FAM114A2: variants seen among roughly 807,000 people sequenced by gnomAD.
FAM114A2 encodes the protein protein FAM114A2.
FAM114A2 carries 53 observed loss-of-function variants against 58.4 expected under a neutral mutation model. That is an observed-to-expected ratio of 0.91 (90% CI 0.73 to 1.14). FAM114A2 has a LOEUF of 1.14. Ranked by LOEUF, FAM114A2 falls within the 50% of genes most tolerant of loss-of-function variation. The pLI is 0.00. For missense variants in FAM114A2, 601 were observed against 581.1 expected, an observed-to-expected ratio of 1.03 and a Z score of -0.35; for synonymous variants, 228 against 211.4, an observed-to-expected ratio of 1.08 and a Z score of -0.68.
At chr5:154,003,703 A>G (rs1471248228) in intron 9 of FAM114A2, among the ~76,000 whole-genome samples, 1 of 152,134 alleles carries the variant, frequency 6.6e-6, no homozygotes, top group Non-Finnish European at 1.5e-5. Context: ...TCTGCTCACT[A>G]TAAATAATTT....
Position 154,034,662 on chromosome 5 carries a change from T to A in FAM114A2, c.210+82A>T, listed in dbSNP as rs1014995300. 15 of 1,002,048 alleles carry A rather than the reference T, an allele frequency of 1.5e-5. No individual in the cohort carries two copies. In the African/African-American group the frequency reaches 2.4e-4, roughly 16 times the overall value. 62.1% of individuals were successfully genotyped at this position (1,002,048 alleles called of 1,614,324 possible). A position where few individuals can be genotyped will look rare whatever the true frequency, so the allele number is the denominator to read the frequency against. ...ATAAGAGCAATTCTAAATTGGTATTTATGCCAAATTTCTTTTAGCCCCAAC... is the reference window on the plus strand; with the variant it reads ...ATAAGAGCAATTCTAAATTGGTATTAATGCCAAATTTCTTTTAGCCCCAAC... On this transcript the variant is annotated intron_variant, in intron 2 of 13. Coordinates refer to ENST00000351797, the MANE Select transcript of FAM114A2 (RefSeq NM_018691.4).
intron 8 of FAM114A2, among the ~76,000 whole-genome samples, chr5:154,015,971 C>A (rs1169368598): frequency 2.0e-5 from 3 of 151,918 alleles, no homozygotes; most frequent in Non-Finnish European, 1.5e-5. Context: ...TACAGAAATG[C>A]AAAATGCTGT....
At chr5:154,008,531 T>C (rs1249793047) in intron 9 of FAM114A2, among the ~76,000 whole-genome samples, 4 of 152,176 alleles carry the variant, frequency 2.6e-5, no homozygotes, top group East Asian at 1.9e-4. Flanking sequence ...TCAAAATGAA[T>C]TGAAAATTTT....
At chr5:154,003,130 C>T (rs1037708782) in intron 9 of FAM114A2, among the ~76,000 whole-genome samples, 161 bp from the exon 10 acceptor site, 10 of 151,730 alleles carry the variant, frequency 6.6e-5, no homozygotes, top group Non-Finnish European at 1.3e-4. Flanking sequence ...CTCAGCAATA[C>T]TTATCACTGT....
At chr5:154,034,208 G>T in intron 3 of FAM114A2, 70 bp downstream of exon 3, 1 of 946,774 alleles carries the variant, frequency 1.1e-6, no homozygotes, top group Non-Finnish European at 1.6e-6. Flanking sequence ...TTTTAACCAA[G>T]TCATATGCAA....
intron 9 of FAM114A2, among the ~76,000 whole-genome samples, chr5:154,010,109 A>G (rs957165353): frequency 1.4e-4 from 22 of 152,218 alleles, no homozygotes; most frequent in African/African-American, 5.1e-4. Flanking sequence ...TAATGTTTAC[A>G]ATTTACTCTC....
rs1770873336 is a variant in FAM114A2 at position 154,014,162 on chromosome 5, C to T, written c.914-2842G>A. On this transcript the variant is annotated intron_variant, in intron 8 of 13. Coordinates refer to ENST00000351797, the MANE Select transcript of FAM114A2 (RefSeq NM_018691.4). ...AACCGTTTTCCAATCAGGACAAGTA[C>T]CTTTACATAGAATAAGGTATCATTT... Among the ~76,000 whole-genome samples, 3 of 152,138 alleles carry T rather than the reference C, an allele frequency of 2.0e-5. No homozygotes were observed. The South Asian group carries it at 6.2e-4, about 32-fold the overall frequency.
chr5:153,995,093 G>T, intron 12 of FAM114A2, 121 bp from the exon 13 acceptor site: 1 of 655,772 alleles, frequency 1.5e-6, no homozygotes, highest in Non-Finnish European at 2.7e-6. Context: ...AAGCACAGAA[G>T]TCTGGACTGA....
chr5:154,011,917 G>A (rs1442405850), intron 8 of FAM114A2, among the ~76,000 whole-genome samples: 2 of 152,118 alleles, frequency 1.3e-5, no homozygotes, highest in East Asian at 1.9e-4. Context: ...AGCTAGAAAG[G>A]TAAGATCCAG....
intron 8 of FAM114A2, among the ~76,000 whole-genome samples, chr5:154,021,804 G>A: frequency 6.6e-6 from 1 of 152,092 alleles, no homozygotes; most frequent in Non-Finnish European, 1.5e-5. Flanking sequence ...CTACTGTAAA[G>A]TTCATATGGA....
At chr5:154,008,620 T>C (rs1770496629) in intron 9 of FAM114A2, among the ~76,000 whole-genome samples, 1 of 152,110 alleles carries the variant, frequency 6.6e-6, no homozygotes, top group South Asian at 2.1e-4. Context: ...TGAATATAAA[T>C]GAATTCTGTA....
intron 11 of FAM114A2, among the ~76,000 whole-genome samples, chr5:153,999,990 C>G (rs1439850728): frequency 6.6e-6 from 1 of 151,864 alleles, no homozygotes; most frequent in Non-Finnish European, 1.5e-5. Context: ...TGTGTATACA[C>G]ACACACATAT....
chr5:154,001,931 C>T (rs909898947), intron 11 of FAM114A2, among the ~76,000 whole-genome samples: 9 of 152,144 alleles, frequency 5.9e-5, no homozygotes, highest in African/African-American at 1.9e-4. Flanking sequence ...AATTAGCACT[C>T]AATAATAACT....
At chr5:154,036,283 T>A (rs2560043) in intron 1 of FAM114A2, 144,944 of 152,298 alleles carry the variant, frequency 0.95, 69,054 homozygotes, top group East Asian at 1. Flanking sequence ...GCCATCAGAT[T>A]GGCTTTATGT....
intron 8 of FAM114A2, among the ~76,000 whole-genome samples, chr5:154,017,217 T>C (rs1028177932): frequency 1.3e-5 from 2 of 151,980 alleles, no homozygotes; most frequent in Non-Finnish European, 2.9e-5. Context: ...CCGAGGCAGG[T>C]GTATCACCTG....
At chr5:154,005,044 T>A (rs1289764856) in intron 9 of FAM114A2, among the ~76,000 whole-genome samples, 1 of 152,216 alleles carries the variant, frequency 6.6e-6, no homozygotes, top group Non-Finnish European at 1.5e-5. Context: ...AGACATCATC[T>A]CTTTCAGGTA....
intron 4 of FAM114A2, 127 bp downstream of exon 4, chr5:154,033,664 T>C (rs1772337160): frequency 3.3e-6 from 2 of 600,724 alleles, no homozygotes. Context: ...AGATTCTAAA[T>C]ACTCTTTCTC....
At chr5:154,017,342 T>C (rs1449686114) in intron 8 of FAM114A2, among the ~76,000 whole-genome samples, 3 of 152,182 alleles carry the variant, frequency 2.0e-5, no homozygotes, top group African/African-American at 7.2e-5. Context: ...CTCAGGAGGC[T>C]GAGGCAGAAG....
chr5:154,017,708 A>G (rs751266062), intron 8 of FAM114A2, among the ~76,000 whole-genome samples: 10 of 152,220 alleles, frequency 6.6e-5, no homozygotes, highest in Non-Finnish European at 1.5e-4. Context: ...AGGGGCCTCT[A>G]TAAATTAAAA....
Sources: allele counts gnomAD v4.1 joint callset (sites outside exome capture counted in the v4.1 genomes callset), GRCh38; gene constraint gnomAD v4.1.1; transcripts MANE v1.5; gene names NCBI Gene and HGNC (gene_info 2026-07-23, HGNC 2026-07-21).